The following KIFAP3 variants were observed in gnomAD, a reference collection of about 807,000 sequenced individuals.
KIFAP3 encodes kinesin-associated protein 3.
In KIFAP3, 68 loss-of-function variants were observed where a neutral mutation model predicts 106.5. The ratio of observed to expected loss-of-function variants is 0.64; its 90% CI spans 0.53 to 0.78. The LOEUF (loss-of-function observed/expected upper bound fraction) is 0.78, where lower values mean the gene tolerates loss of function less well. Among genes scored for constraint, KIFAP3 ranks in the 30% least tolerant of loss-of-function variants. The probability of loss-of-function intolerance (pLI) is 0.00; values close to 1 mark genes in which losing one functional copy is unlikely to be tolerated. For missense variants in KIFAP3, 780 were observed against 941.8 expected, an observed-to-expected ratio of 0.83 and a Z score of 2.25; for synonymous variants, 320 against 311.5, an observed-to-expected ratio of 1.03 and a Z score of -0.29.
intron 1 of KIFAP3, among the ~76,000 whole-genome samples, chr1:170,070,471 G>C (rs761130227): frequency 6.6e-6 from 1 of 152,050 alleles, no homozygotes; most frequent in Admixed American, 6.6e-5. Context: ...AAATATAATT[G>C]AGAGTGCAGG....
intron 17 of KIFAP3, among the ~76,000 whole-genome samples, chr1:169,971,353 C>T (rs1665910098): frequency 6.6e-6 from 1 of 151,950 alleles, no homozygotes; most frequent in Non-Finnish European, 1.5e-5. Context: ...GTACATGAGC[C>T]ATGAAATTAT....
chr1:170,066,436 C>T (rs1367220413), intron 1 of KIFAP3, among the ~76,000 whole-genome samples: 1 of 151,992 alleles, frequency 6.6e-6, no homozygotes, highest in African/African-American at 2.4e-5. Flanking sequence ...GTAATTCAAA[C>T]CAATGCACCT....
chr1:169,978,015 AAC>A (rs1491185549), intron 16 of KIFAP3, 68 bp downstream of exon 16: 8 of 1,038,432 alleles, frequency 7.7e-6, no homozygotes, highest in South Asian at 2.8e-5. Flanking sequence ...CAAAAAAAAA[AAC>A]AACTCAAAGA....
Position 169,973,105 on chromosome 1 carries a change from GTA to G in KIFAP3, c.1898-509_1898-508del, listed in dbSNP as rs1553278126. Among the ~76,000 whole-genome samples the G allele has an allele frequency of 3.4e-3, 311 of 90,302 alleles. 24 individuals are homozygous for G. The highest frequency in any genetic ancestry group is 0.012 in the African/African-American group (265 of 21,890). 59.2% of individuals were successfully genotyped at this position (90,302 alleles called of 152,430 possible). A position where few individuals can be genotyped will look rare whatever the true frequency, so the allele number is the denominator to read the frequency against. On this transcript the variant is annotated intron_variant, in intron 16 of 19. Coordinates refer to ENST00000361580, the MANE Select transcript of KIFAP3 (RefSeq NM_014970.4). ...ATAAAAATAATTTAAAAAATAGTGTGTATATATATATATATATAAACAACACA... is the reference window on the plus strand; with the variant it reads ...ATAAAAATAATTTAAAAAATAGTGTGTATATATATATATATAAACAACACA...
intron 19 of KIFAP3, among the ~76,000 whole-genome samples, chr1:169,928,705 A>AAAAAAAAAAAAAAAAAAAAAAAAT: frequency 6.7e-6 from 1 of 148,794 alleles, no homozygotes; most frequent in Non-Finnish European, 1.5e-5. Flanking sequence ...TCTCCAAAAA[A>AAAAAAAAAAAAAAAAAAAAAAAAT]AAAAAAAAAA....
Position 169,936,520 on chromosome 1 carries a change from T to C in KIFAP3, c.2274-14739A>G, listed in dbSNP as rs1663809728. ...CATCAAAGTACGATGTTTTATGAAA[T>C]AGCATATATAATTTAAAAAGTTGTA... On this transcript the variant is annotated intron_variant, in intron 19 of 19. Coordinates refer to ENST00000361580, the MANE Select transcript of KIFAP3 (RefSeq NM_014970.4). Among the ~76,000 whole-genome samples, 3 of 151,832 alleles carry C rather than the reference T, an allele frequency of 2.0e-5. No homozygotes were observed. The South Asian group carries it at 6.2e-4, about 31-fold the overall frequency.
chr1:170,008,674 A>C (rs1048522851), intron 10 of KIFAP3, among the ~76,000 whole-genome samples: 1 of 152,218 alleles, frequency 6.6e-6, no homozygotes, highest in African/African-American at 2.4e-5. Flanking sequence ...TGTTGGTGGA[A>C]GTGTAAATTA....
intron 3 of KIFAP3, chr1:170,041,530 T>C (rs567221609): frequency 1.8e-6 from 1 of 571,066 alleles, no homozygotes; most frequent in South Asian, 2.3e-5. Flanking sequence ...GGTGAACTCA[T>C]AAAGGGATAC....
chr1:169,931,723 T>C (rs554515901), intron 19 of KIFAP3, among the ~76,000 whole-genome samples: 1 of 152,326 alleles, frequency 6.6e-6, no homozygotes, highest in East Asian at 1.9e-4. Flanking sequence ...TCTGTCATAA[T>C]ACCTTGGTTT....
intron 12 of KIFAP3, 44 bp from the exon 13 acceptor site, chr1:169,983,426 T>C (rs1415544119): frequency 3.7e-6 from 5 of 1,339,756 alleles, no homozygotes; most frequent in Non-Finnish European, 5.3e-6. Context: ...TTAGCTTAAG[T>C]TTAATAATTT....
rs561716601 is a variant in KIFAP3, at chr1:170,016,701, T to A, written c.1021-77A>T. 251 of 865,372 alleles carry A rather than the reference T, an allele frequency of 2.9e-4. 1 individual carries two copies. The highest frequency in any genetic ancestry group is 4.1e-4 in the Non-Finnish European group (240 of 585,026). The allele number at this position is 865,372 out of a possible 1,614,324, so 53.6% of individuals were successfully genotyped here. A position where few individuals can be genotyped will look rare whatever the true frequency, so the allele number is the denominator to read the frequency against. ...AAAAAGAATATAATTATTTTTTCTT[T>A]GTTTTTACCCTAATGTATATCTGTT... is the stretch of plus-strand genomic sequence containing the variant. On this transcript the variant is annotated intron_variant, in intron 9 of 19. Coordinates refer to ENST00000361580, the MANE Select transcript of KIFAP3 (RefSeq NM_014970.4).
Position 169,972,575 on chromosome 1 carries a change from G to A in KIFAP3, c.1921C>T (p.Leu641=), listed in dbSNP as rs1490245411. The A allele has an allele frequency of 6.4e-7, 1 of 1,567,526 alleles. No homozygotes were observed. The highest frequency in any genetic ancestry group is 8.7e-7 in the Non-Finnish European group (1 of 1,143,212). ...ATTTCATTATTCTTATCATGCATTA[G>A]GTCTATGAGATATGCTGGAGCCTCT... is the stretch of plus-strand genomic sequence containing the variant. ...ETQAPAYLID[L]MHDKNNEIRK... is the part of the protein sequence containing the mutation. Residue 641 remains leucine (L), a synonymous_variant, in exon 17 of 20, where the codon CTA becomes TTA. Coordinates refer to ENST00000361580, the MANE Select transcript of KIFAP3 (RefSeq NM_014970.4).
chr1:169,993,382 T>C (rs958265033), intron 10 of KIFAP3, among the ~76,000 whole-genome samples: 2 of 151,584 alleles, frequency 1.3e-5, no homozygotes, highest in African/African-American at 4.8e-5. Flanking sequence ...AGTGCTGGGA[T>C]TACAGGCGTG....
chr1:170,046,716 T>A lies in KIFAP3; in HGVS notation c.315A>T (p.Gly105=), dbSNP rs761631023. 5 of 1,539,160 alleles carry A rather than the reference T, an allele frequency of 3.2e-6. No individual in the cohort carries two copies. The highest frequency in any genetic ancestry group is 4.4e-6 in the Non-Finnish European group (5 of 1,140,300). The change falls in exon 3 of 20, where the codon GGA becomes GGT. Residue 105 remains glycine (G), a synonymous_variant. Transcript: ENST00000361580. Reference sequence around the variant, plus strand: ...GCCAGGAATTCTACTACTTACCTTTTCCTGACAATGAATCACGGCGGTTCT... The same window carrying A: ...GCCAGGAATTCTACTACTTACCTTTACCTGACAATGAATCACGGCGGTTCT... The part of the protein sequence containing the change: ...YLQNRRDSLS[G]KEKKEKSSKP...
intron 1 of KIFAP3, among the ~76,000 whole-genome samples, chr1:170,081,950 G>T (rs1468921329): frequency 6.6e-6 from 1 of 152,132 alleles, no homozygotes; most frequent in Non-Finnish European, 1.5e-5. Context: ...AATACCAATT[G>T]GTGGTAAGAA....
At chr1:170,039,172 T>C in intron 4 of KIFAP3, 61 bp downstream of exon 4, 1 of 957,956 alleles carries the variant, frequency 1.0e-6, no homozygotes. Flanking sequence ...GTATTATTGA[T>C]GGAAAAAGGC....
At chr1:170,038,067 A>G (rs1323207887) in intron 5 of KIFAP3, among the ~76,000 whole-genome samples, 1 of 152,216 alleles carries the variant, frequency 6.6e-6, no homozygotes, top group Non-Finnish European at 1.5e-5. Context: ...AGCTTCCCAG[A>G]GTAGAAGAAA....
At chr1:170,010,993 TCAAA>T (rs1266490613) in intron 10 of KIFAP3, among the ~76,000 whole-genome samples, 2 of 151,962 alleles carry the variant, frequency 1.3e-5, no homozygotes, top group Non-Finnish European at 2.9e-5. Context: ...TGAACATATA[TCAAA>T]CAGTGAGTTT....
chr1:169,967,991 T>A (rs1234416620), intron 17 of KIFAP3, among the ~76,000 whole-genome samples: 2 of 151,852 alleles, frequency 1.3e-5, no homozygotes, highest in Non-Finnish European at 2.9e-5. Flanking sequence ...ATCCAAAGCC[T>A]TTGTGGAAAT....
Sources: gnomAD v4.1 joint callset for allele counts (sites outside exome capture counted in the v4.1 genomes callset) on GRCh38, gnomAD v4.1.1 for gene constraint, MANE v1.5 for transcripts, NCBI Gene and HGNC (gene_info 2026-07-23, HGNC 2026-07-21) for gene names.